ANKRD29: variants seen among roughly 807,000 people sequenced by gnomAD.
ANKRD29 encodes the protein ankyrin repeat domain-containing protein 29.
In ANKRD29, 32 loss-of-function variants were observed where a neutral mutation model predicts 38.0. That is an observed-to-expected ratio of 0.84 (90% CI 0.64 to 1.13). ANKRD29 has a LOEUF of 1.13. ANKRD29 is among the 50% of genes most tolerant of loss of function. The probability of loss-of-function intolerance (pLI) is 0.00; values close to 1 mark genes in which losing one functional copy is unlikely to be tolerated. For synonymous variants in ANKRD29, 135 were observed against 152.4 expected (o/e 0.89, Z 0.84); for missense variants, 357 against 377.9 (o/e 0.94, Z 0.46).
chr18:23,635,993 A>C (rs578210781), intron 4 of ANKRD29, among the ~76,000 whole-genome samples: 1 of 152,180 alleles, frequency 6.6e-6, no homozygotes, highest in African/African-American at 2.4e-5. Flanking sequence ...GCATCACAGA[A>C]TTGCGTAACA....
At chr18:23,611,961 C>T (rs903213777) in intron 9 of ANKRD29, 131 bp downstream of exon 9, 2 of 739,792 alleles carry the variant, frequency 2.7e-6, no homozygotes, top group African/African-American at 1.8e-5. Context: ...CACCTACTAA[C>T]AGCAACCTTG....
At chr18:23,646,048 G>T (rs745454533) in intron 3 of ANKRD29, 141 bp downstream of exon 3, 62 of 739,618 alleles carry the variant, frequency 8.4e-5, no homozygotes, top group Non-Finnish European at 1.3e-4. Context: ...GGACCTCATT[G>T]TAGGCACAAT....
At chr18:23,634,247 T>C in intron 4 of ANKRD29, 98 bp from the exon 5 acceptor site, 3 of 850,758 alleles carry the variant, frequency 3.5e-6, no homozygotes, top group Non-Finnish European at 5.5e-6. Context: ...AAGAGAGTTT[T>C]CCCAAAGATA....
At chr18:23,633,994 G>T in intron 5 of ANKRD29, 57 bp downstream of exon 5, 1 of 1,548,562 alleles carries the variant, frequency 6.5e-7, no homozygotes, top group Non-Finnish European at 8.9e-7. Flanking sequence ...TCTGAATTTA[G>T]ACTGCAATTT....
At chr18:23,632,332 C>T (rs1490111365) in intron 5 of ANKRD29, among the ~76,000 whole-genome samples, 1 of 151,576 alleles carries the variant, frequency 6.6e-6, no homozygotes, top group Non-Finnish European at 1.5e-5. Flanking sequence ...TTGGTTCTGC[C>T]CCGCCCATCC....
intron 6 of ANKRD29, among the ~76,000 whole-genome samples, chr18:23,626,732 T>TA (rs925186945): frequency 1.3e-5 from 2 of 152,248 alleles, no homozygotes; most frequent in African/African-American, 4.8e-5. Context: ...TTCTCAGTGA[T>TA]AGAGTTACAA....
chr18:23,620,837 C>T (rs192797225), intron 6 of ANKRD29, among the ~76,000 whole-genome samples: 98 of 152,290 alleles, frequency 6.4e-4, no homozygotes, highest in Admixed American at 1.2e-3. Context: ...ATCCAGGAGT[C>T]CCGTCTGCCT....
intron 3 of ANKRD29, among the ~76,000 whole-genome samples, chr18:23,639,258 A>T (rs1473833367): frequency 6.6e-6 from 1 of 152,204 alleles, no homozygotes; most frequent in Non-Finnish European, 1.5e-5. Flanking sequence ...ATCCTGGGTT[A>T]TCTGGGTGGG....
chr18:23,608,768 A>G (rs978625562), intron 9 of ANKRD29, among the ~76,000 whole-genome samples: 1 of 152,228 alleles, frequency 6.6e-6, no homozygotes, highest in Non-Finnish European at 1.5e-5. Context: ...CCCTTTCCCG[A>G]AAAGACCCCC....
At chr18:23,627,649 A>T (rs2059878996) in intron 6 of ANKRD29, among the ~76,000 whole-genome samples, 1 of 152,232 alleles carries the variant, frequency 6.6e-6, no homozygotes, top group South Asian at 2.1e-4. Context: ...AGGCATATAA[A>T]GAATAAAATT....
chr18:23,619,715 A>G (rs1242893543), intron 6 of ANKRD29, 86 bp from the exon 7 acceptor site: 26 of 1,181,858 alleles, frequency 2.2e-5, no homozygotes, highest in South Asian at 1.6e-5. Context: ...AGGGGTCTGA[A>G]AGCGAAAACT....
rs553652185 is a variant in ANKRD29 at position 23,648,979 on chromosome 18, A to C, written c.132+104T>G. The C allele has an allele frequency of 5.8e-5, 57 of 975,382 alleles. No homozygotes were observed. In the African/African-American group the frequency reaches 8.7e-4, roughly 15 times the overall value. The allele number at this position is 975,382 out of a possible 1,614,324, so 60.4% of individuals were successfully genotyped here. A position where few individuals can be genotyped will look rare whatever the true frequency, so the allele number is the denominator to read the frequency against. On this transcript the variant is annotated intron_variant, in intron 2 of 9. Coordinates refer to ENST00000592179, the MANE Select transcript of ANKRD29 (RefSeq NM_173505.4). ...AAAGGATAAAGCAAGCAAACACATGAAAAAGTAAATAAGCATTGTAAAGGG... is the reference window on the plus strand; with the variant it reads ...AAAGGATAAAGCAAGCAAACACATGCAAAAGTAAATAAGCATTGTAAAGGG...
Position 23,644,494 on chromosome 18 carries a change from C to T in ANKRD29, c.231+1695G>A, listed in dbSNP as rs148707064. Among the ~76,000 whole-genome samples, 1,032 of 152,324 alleles carry T rather than the reference C, an allele frequency of 6.8e-3. 2 individuals are homozygous for T. The highest frequency in any genetic ancestry group is 0.012 in the Non-Finnish European group (792 of 68,032). ...TTAAGTGCTGAAGTGAAAATGACCT[C>T]AAACAACGATCTAGTGTTATGGAAA... On this transcript the variant is annotated intron_variant, in intron 3 of 9. Coordinates refer to ENST00000592179, the MANE Select transcript of ANKRD29 (RefSeq NM_173505.4).
intron 1 of ANKRD29, among the ~76,000 whole-genome samples, chr18:23,662,122 T>C (rs550443858): frequency 6.6e-6 from 1 of 152,236 alleles, no homozygotes; most frequent in South Asian, 2.1e-4. Context: ...GTCAGGCACA[T>C]TTGAACTGTT....
chr18:23,653,690 A>G (rs1171645719), intron 1 of ANKRD29, among the ~76,000 whole-genome samples: 1 of 151,268 alleles, frequency 6.6e-6, no homozygotes, highest in Non-Finnish European at 1.5e-5. Context: ...GCAGTGGCGC[A>G]ATCTGGGCTC....
At chr18:23,616,889 T>G (rs966885291) in intron 8 of ANKRD29, among the ~76,000 whole-genome samples, 1 of 151,390 alleles carries the variant, frequency 6.6e-6, no homozygotes, top group Non-Finnish European at 1.5e-5. Context: ...TGACTCCTGA[T>G]ATATAATATA....
intron 1 of ANKRD29, among the ~76,000 whole-genome samples, chr18:23,658,759 T>TA (rs1337962644): frequency 2.0e-5 from 3 of 152,150 alleles, no homozygotes; most frequent in Admixed American, 2.0e-4. Context: ...TGTGTAGGTA[T>TA]AGCCCCCATG....
intron 2 of ANKRD29, chr18:23,648,753 C>T (rs1598530076): frequency 9.8e-6 from 4 of 409,280 alleles, no homozygotes; most frequent in South Asian, 1.2e-4. Context: ...TAAATTATCT[C>T]CATCTTTTCA....
chr18:23,641,122 A>T (rs1185165125), intron 3 of ANKRD29, among the ~76,000 whole-genome samples: 1 of 151,914 alleles, frequency 6.6e-6, no homozygotes, highest in African/African-American at 2.4e-5. Context: ...CTTCTCACTG[A>T]TGGCAGTGGT....
Sources: allele counts gnomAD v4.1 joint callset (sites outside exome capture counted in the v4.1 genomes callset), GRCh38; gene constraint gnomAD v4.1.1; transcripts MANE v1.5; gene names NCBI Gene and HGNC (gene_info 2026-07-23, HGNC 2026-07-21).